The following PCDHGA9 variants were observed in gnomAD, a reference collection of about 807,000 sequenced individuals.
The protein encoded by PCDHGA9 is protocadherin gamma-A9.
In PCDHGA9, 37 loss-of-function variants were observed where a neutral mutation model predicts 62.5. The observed-to-expected ratio is 0.59, with a 90% CI of 0.46 to 0.78. The LOEUF is 0.78. PCDHGA9 is among the 30% of genes least tolerant of loss of function. The pLI is 0.00. For synonymous variants in PCDHGA9, 459 were observed against 484.6 expected (o/e 0.95, Z 0.69); for missense variants, 1,138 against 1,166.2 (o/e 0.98, Z 0.35).
intron 1 of PCDHGA9, among the ~76,000 whole-genome samples, chr5:141,445,851 A>G (rs957077325): frequency 2.0e-5 from 3 of 152,210 alleles, no homozygotes; most frequent in African/African-American, 7.2e-5. Context: ...CACACTTAAA[A>G]TTCTGGATTT....
chr5:141,487,256 G>A lies in PCDHGA9; in HGVS notation c.2425-7551G>A. ...ATCTCGTCTAACCCTCTACTTGGCTGTGTCCCTAGTGGCAATTTGCTTTGT... is the reference window on the plus strand; with the variant it reads ...ATCTCGTCTAACCCTCTACTTGGCTATGTCCCTAGTGGCAATTTGCTTTGT... On this transcript the variant is annotated intron_variant, in intron 1 of 3. Transcript: ENST00000573521. The surrounding 1 kb of genome is among the most constrained non-coding windows in gnomAD (Gnocchi z 5.0). The A allele has an allele frequency of 6.2e-7, 1 of 1,614,166 alleles. No individual in the cohort carries two copies. The highest frequency in any genetic ancestry group is 8.5e-7 in the Non-Finnish European group (1 of 1,180,032).
At position 141,486,348 on chromosome 5, in the gene PCDHGA9, A is replaced by G. The variant is rs754981437; in HGVS notation, c.2425-8459A>G. ...GATGTGAGCCTCCGCATTCCTGACC[A>G]CTTGCCATTTGCCCTCAAGTCTGCC... is the stretch of plus-strand genomic sequence containing the variant. On this transcript the variant is annotated intron_variant, in intron 1 of 3. Transcript: ENST00000573521. The surrounding 1 kb of genome is among the most constrained non-coding windows in gnomAD (Gnocchi z 5.0). 1.9e-6 allele frequency: 3 copies of G among 1,613,900 alleles called. No individual in the cohort carries two copies. The highest frequency in any genetic ancestry group is 2.5e-6 in the Non-Finnish European group (3 of 1,179,996).
In PCDHGA9 at chr5:141,477,472, C is replaced by T. The variant is rs764533834; in HGVS notation, c.2425-17335C>T. 1 of 1,614,156 alleles carries T rather than the reference C, an allele frequency of 6.2e-7. No homozygotes were observed. Among genetic ancestry groups the T allele is most frequent in the South Asian group, 1.1e-5 (1 of 91,080 alleles). Reference sequence around the variant, plus strand: ...GTGTTCAAGTGTCCGACATCAATGACAACCCTCCACAATCTTCTCAATCTT... The same window carrying T: ...GTGTTCAAGTGTCCGACATCAATGATAACCCTCCACAATCTTCTCAATCTT... On this transcript the variant is annotated intron_variant, in intron 1 of 3. Transcript: ENST00000573521. This position sits in a 1 kb window ranked among gnomAD's most constrained non-coding sequence, Gnocchi z 4.9.
chr5:141,427,956 C>T, intron 1 of PCDHGA9: 1 of 1,587,304 alleles, frequency 6.3e-7, no homozygotes, highest in African/African-American at 1.3e-5. Context: ...TGACAATGTG[C>T]CGCGGGTGCT....
intron 1 of PCDHGA9, chr5:141,478,076 C>A: frequency 6.2e-7 from 1 of 1,614,106 alleles, no homozygotes. Context: ...CAATGGGGAG[C>A]CTTCGCTCTC....
intron 1 of PCDHGA9, 88 bp from the exon 2 acceptor site, chr5:141,494,719 C>T: frequency 6.2e-7 from 1 of 1,605,960 alleles, no homozygotes; most frequent in Non-Finnish European, 8.5e-7. Flanking sequence ...CCACTCCCCT[C>T]CTTCTCTCCC....
chr5:141,421,665 C>G (rs1227312221), intron 1 of PCDHGA9: 4 of 1,613,854 alleles, frequency 2.5e-6, no homozygotes, highest in Non-Finnish European at 2.5e-6. Flanking sequence ...TCAGTGAGCA[C>G]GCAATTCCTG....
intron 1 of PCDHGA9, among the ~76,000 whole-genome samples, chr5:141,425,427 A>G (rs925551543): frequency 2.2e-4 from 33 of 152,362 alleles, no homozygotes; most frequent in Non-Finnish European, 4.1e-4. Flanking sequence ...GTCCCATTAA[A>G]TAGAGGATAA....
chr5:141,413,889 T>C (rs1394681178), intron 1 of PCDHGA9: 4 of 1,613,392 alleles, frequency 2.5e-6, no homozygotes, highest in Non-Finnish European at 3.4e-6. Flanking sequence ...CTGTCTTCGA[T>C]GCAAATGACA....
At chr5:141,415,342 T>C (rs1305683222) in intron 1 of PCDHGA9, 2 of 1,614,108 alleles carry the variant, frequency 1.2e-6, no homozygotes, top group African/African-American at 2.7e-5. Context: ...GCTGCGGCGC[T>C]GGCACAAGTC....
intron 1 of PCDHGA9, chr5:141,418,465 A>G (rs2096261082): frequency 6.2e-7 from 1 of 1,614,022 alleles, no homozygotes; most frequent in Non-Finnish European, 8.5e-7. Context: ...CTCTGGACCG[A>G]GAAACGCAGA....
At chr5:141,420,073 G>A (rs2096463936) in intron 1 of PCDHGA9, 23 of 1,613,964 alleles carry the variant, frequency 1.4e-5, no homozygotes, top group Non-Finnish European at 1.9e-5. Context: ...CCGGACCTGT[G>A]GGTCCCCCCA....
chr5:141,510,582 A>G (rs1156375287), intron 3 of PCDHGA9, among the ~76,000 whole-genome samples: 2 of 152,166 alleles, frequency 1.3e-5, no homozygotes, highest in Non-Finnish European at 2.9e-5. Context: ...TATTTTACGT[A>G]CCTGACATAC....
chr5:141,409,802 G>A (rs2095317294), intron 1 of PCDHGA9: 10 of 1,611,810 alleles, frequency 6.2e-6, no homozygotes, highest in Non-Finnish European at 7.6e-6. Context: ...CACGCTGCAG[G>A]CCCGCGACCA....
At chr5:141,467,285 T>G (rs6870144) in intron 1 of PCDHGA9, among the ~76,000 whole-genome samples, 42,564 of 152,010 alleles carry the variant, frequency 0.28, 6,785 homozygotes, top group African/African-American at 0.45. Context: ...ACTCTTGACC[T>G]CAAGTGATCC....
intron 1 of PCDHGA9, among the ~76,000 whole-genome samples, chr5:141,434,819 A>G (rs2097719619): frequency 6.6e-6 from 1 of 151,946 alleles, no homozygotes; most frequent in Admixed American, 6.6e-5. Flanking sequence ...TATATCCCTT[A>G]GTACACTTGG....
In PCDHGA9 at chr5:141,433,198, A is replaced by G. The variant is rs373769649; in HGVS notation, c.2424+27822A>G. 11 of 1,581,706 alleles carry G rather than the reference A, an allele frequency of 7.0e-6. No individual in the cohort carries two copies. The African/African-American group carries it at 1.1e-4, about 16-fold the overall frequency. On this transcript the variant is annotated intron_variant, in intron 1 of 3. Coordinates refer to ENST00000573521, the MANE Select transcript of PCDHGA9 (RefSeq NM_018921.3). ...GGTTAATTGAGGTGAGTTTATATCA[A>G]ATCTTCTTTCTTTTTTTTTTTTAAT...
chr5:141,420,613 A>G (rs536307424), intron 1 of PCDHGA9, among the ~76,000 whole-genome samples: 53 of 152,194 alleles, frequency 3.5e-4, no homozygotes, highest in Non-Finnish European at 1.9e-4. Flanking sequence ...CAAGTATTTC[A>G]TCTTCATTTA....
intron 1 of PCDHGA9, chr5:141,413,419 A>C: frequency 6.2e-7 from 1 of 1,614,084 alleles, no homozygotes; most frequent in Non-Finnish European, 8.5e-7. Context: ...TTTCTCTCTG[A>C]ACCCGCGCAG....
Sources: gnomAD v4.1 joint callset for allele counts (sites outside exome capture counted in the v4.1 genomes callset) on GRCh38, gnomAD v4.1.1 for gene constraint, Gnocchi (gnomAD v3.1) non-coding constraint, MANE v1.5 for transcripts, NCBI Gene and HGNC (gene_info 2026-07-23, HGNC 2026-07-21) for gene names.